Variants in MBNL2 observed in about 807,000 individuals in gnomAD.
MBNL2 encodes the protein muscleblind like splicing regulator 2.
In MBNL2, 17 loss-of-function variants were observed where a neutral mutation model predicts 41.9. The ratio of observed to expected loss-of-function variants is 0.41; its 90% confidence interval spans 0.28 to 0.61. The LOEUF (loss-of-function observed/expected upper bound fraction) is 0.61. Ranked by LOEUF, MBNL2 falls within the 20% of genes least tolerant of loss-of-function variation. The probability of loss-of-function intolerance (pLI) is 0.35; values close to 1 mark genes in which losing one functional copy is unlikely to be tolerated. For missense variants in MBNL2, 336 were observed against 505.6 expected, an observed-to-expected ratio of 0.66 and a Z score of 3.22; for synonymous variants, 195 against 182.9, an observed-to-expected ratio of 1.07 and a Z score of -0.53.
intron 1 of MBNL2, among the ~76,000 whole-genome samples, chr13:97,259,201 C>T (rs1374198397): frequency 6.6e-6 from 1 of 152,126 alleles, no homozygotes; most frequent in African/African-American, 2.4e-5. Flanking sequence ...TATCTCCCAC[C>T]ACCACATCAT....
the MBNL2 span, among the ~76,000 whole-genome samples, chr13:97,205,355 A>G: frequency 1.3e-5 from 2 of 151,338 alleles, no homozygotes; most frequent in South Asian, 4.2e-4. Context: ...GCGCCACTGC[A>G]CTCTAGCCTG....
the MBNL2 span, among the ~76,000 whole-genome samples, chr13:97,166,787 GATA>G: frequency 5.3e-5 from 1 of 18,778 alleles, no homozygotes; most frequent in Non-Finnish European, 1.3e-4. Context: ...TCCCTTGATA[GATA>G]GATAGATAGA....
the MBNL2 span, among the ~76,000 whole-genome samples, chr13:97,144,419 ACTTCTTTT>A: frequency 3.3e-5 from 3 of 90,350 alleles, no homozygotes; most frequent in Non-Finnish European, 5.9e-5. Flanking sequence ...TAGACATGAT[ACTTCTTTT>A]TTTTTTTTTT....
intron 2 of MBNL2, among the ~76,000 whole-genome samples, chr13:97,327,870 T>C (rs1381722443): frequency 6.6e-6 from 1 of 152,206 alleles, no homozygotes. Flanking sequence ...GAAGTTGTTT[T>C]CAATACCATA....
At chr13:97,294,072 A>T in intron 2 of MBNL2, among the ~76,000 whole-genome samples, 1 of 149,840 alleles carries the variant, frequency 6.7e-6, no homozygotes. Context: ...TTTTATTTTC[A>T]ACTTTATTAT....
intron 2 of MBNL2, among the ~76,000 whole-genome samples, chr13:97,301,999 A>G (rs1482894801): frequency 1.3e-5 from 2 of 152,150 alleles, no homozygotes; most frequent in Admixed American, 6.5e-5. Context: ...ACCATATTCC[A>G]GTGTTTTCTC....
chr13:97,211,156 G>A, the MBNL2 span, among the ~76,000 whole-genome samples: 1 of 152,192 alleles, frequency 6.6e-6, no homozygotes, highest in Non-Finnish European at 1.5e-5. Flanking sequence ...TTGTCTTGCT[G>A]TCTGCTTCCT....
At chr13:97,291,591 T>C (rs1157862879) in intron 2 of MBNL2, among the ~76,000 whole-genome samples, 1 of 152,106 alleles carries the variant, frequency 6.6e-6, no homozygotes, top group Non-Finnish European at 1.5e-5. Context: ...TTTACCTTTG[T>C]GGCATCAAGA....
At chr13:97,236,117 G>A (rs2043226204) in intron 1 of MBNL2, among the ~76,000 whole-genome samples, 1 of 152,072 alleles carries the variant, frequency 6.6e-6, no homozygotes, top group South Asian at 2.1e-4. Context: ...AGCAAGGACT[G>A]CATTTACCGA....
At chr13:97,144,070 C>T in the MBNL2 span, among the ~76,000 whole-genome samples, 2 of 152,176 alleles carry the variant, frequency 1.3e-5, no homozygotes, top group Non-Finnish European at 2.9e-5. Flanking sequence ...TCTCGAACTC[C>T]TGACCTCAAG....
At chr13:97,252,200 A>G (rs1405987666) in intron 1 of MBNL2, among the ~76,000 whole-genome samples, 2 of 152,206 alleles carry the variant, frequency 1.3e-5, no homozygotes, top group East Asian at 1.9e-4. Context: ...AATTATTAGT[A>G]AATTTCATTG....
intron 1 of MBNL2, among the ~76,000 whole-genome samples, chr13:97,247,129 T>G (rs1389052137): frequency 3.3e-5 from 5 of 152,242 alleles, no homozygotes; most frequent in Non-Finnish European, 5.9e-5. Context: ...CACAATTCTA[T>G]GTAAATGCCA....
chr13:97,207,150 G>A, the MBNL2 span, among the ~76,000 whole-genome samples: 1 of 152,144 alleles, frequency 6.6e-6, no homozygotes, highest in Non-Finnish European at 1.5e-5. Flanking sequence ...AATGGCCAAG[G>A]TTGTGCTACA....
intron 1 of MBNL2, among the ~76,000 whole-genome samples, chr13:97,261,737 A>G (rs184590483): frequency 7.6e-4 from 115 of 152,288 alleles, no homozygotes; most frequent in African/African-American, 2.6e-3. Flanking sequence ...AACAGCTCTG[A>G]TTTGACTGAG....
At chr13:97,218,456 G>T (rs1381764828), upstream of MBNL2, among the ~76,000 whole-genome samples, 1 of 85,074 alleles carries the variant, frequency 1.2e-5, no homozygotes, top group African/African-American at 4.6e-5. Flanking sequence ...AAAAAAACTG[G>T]GCCTAGAGGT....
At chr13:97,199,318 G>A in the MBNL2 span, among the ~76,000 whole-genome samples, 1 of 152,124 alleles carries the variant, frequency 6.6e-6, no homozygotes, top group African/African-American at 2.4e-5. Flanking sequence ...TTCTATCTTA[G>A]CCTTATTTTT....
chr13:97,345,859 T>C (rs2061796914), intron 4 of MBNL2, among the ~76,000 whole-genome samples: 1 of 144,126 alleles, frequency 6.9e-6, no homozygotes, highest in Non-Finnish European at 1.5e-5. Flanking sequence ...ATAGGTGAAA[T>C]TATCCCTCCA....
chr13:97,315,263 T>C (rs1422784114), intron 2 of MBNL2, among the ~76,000 whole-genome samples: 1 of 152,222 alleles, frequency 6.6e-6, no homozygotes, highest in Non-Finnish European at 1.5e-5. Flanking sequence ...TCAAGGTATA[T>C]TTGTTCACTC....
At chr13:97,342,451 C>T (rs981634478) in intron 3 of MBNL2, among the ~76,000 whole-genome samples, 12 of 152,122 alleles carry the variant, frequency 7.9e-5, no homozygotes, top group African/African-American at 2.7e-4. Context: ...AGCAAAAAAT[C>T]GTAGGTTTAT....
Sources: allele counts gnomAD v4.1 joint callset (sites outside exome capture counted in the v4.1 genomes callset), GRCh38; gene constraint gnomAD v4.1.1; transcripts MANE v1.5; gene names NCBI Gene and HGNC (gene_info 2026-07-23, HGNC 2026-07-21).